HEMK2: variants seen among roughly 807,000 people sequenced by gnomAD.
HEMK2 encodes the protein HemK methyltransferase 2, ETF1 glutamine and histone H4 lysine, also known as methyltransferase HEMK2.
At chr21:28,787,865 C>A in the HEMK2 span, among the ~76,000 whole-genome samples, 1 of 152,186 alleles carries the variant, frequency 6.6e-6, no homozygotes, top group African/African-American at 2.4e-5. Context: ...TGGGTATCTA[C>A]CCAGAGAAAA....
At chr21:28,615,798 G>A in the HEMK2 span, among the ~76,000 whole-genome samples, 1 of 152,018 alleles carries the variant, frequency 6.6e-6, no homozygotes, top group Non-Finnish European at 1.5e-5. Context: ...TTATAATTAG[G>A]TTCAAAATGG....
At chr21:28,834,961 C>A in the HEMK2 span, among the ~76,000 whole-genome samples, 1 of 152,096 alleles carries the variant, frequency 6.6e-6, no homozygotes, top group African/African-American at 2.4e-5. Flanking sequence ...GGGAATCTCA[C>A]CCCCATCCCC....
chr21:28,871,191 C>T, the HEMK2 span, among the ~76,000 whole-genome samples: 122 of 152,096 alleles, frequency 8.0e-4, no homozygotes, highest in East Asian at 7.7e-4. Flanking sequence ...AGTCTGTTCT[C>T]GCATTGCTAT....
At chr21:28,620,215 T>C in the HEMK2 span, among the ~76,000 whole-genome samples, 2 of 152,302 alleles carry the variant, frequency 1.3e-5, no homozygotes, top group East Asian at 3.9e-4. Context: ...TCAGGGATAT[T>C]GGCCTGAAAT....
At chr21:28,764,161 T>G in the HEMK2 span, among the ~76,000 whole-genome samples, 1 of 152,090 alleles carries the variant, frequency 6.6e-6, no homozygotes, top group Non-Finnish European at 1.5e-5. Flanking sequence ...ACTCAAATCC[T>G]TATCTTAGAG....
the HEMK2 span, among the ~76,000 whole-genome samples, chr21:28,703,274 C>T: frequency 6.6e-6 from 1 of 151,454 alleles, no homozygotes; most frequent in African/African-American, 2.4e-5. Context: ...ACACAATTTA[C>T]TTATATAACA....
the HEMK2 span, chr21:28,882,970 A>C: frequency 6.6e-7 from 1 of 1,517,464 alleles, no homozygotes; most frequent in Non-Finnish European, 9.0e-7. Flanking sequence ...ATCTAGATGA[A>C]TATGATATAC....
the HEMK2 span, among the ~76,000 whole-genome samples, chr21:28,632,147 C>T: frequency 5.5e-3 from 801 of 144,684 alleles, 6 homozygotes; most frequent in African/African-American, 0.019. Flanking sequence ...TGAATTATCT[C>T]TGTACAATAT....
the HEMK2 span, among the ~76,000 whole-genome samples, chr21:28,586,019 T>G: frequency 6.6e-6 from 1 of 152,232 alleles, no homozygotes; most frequent in South Asian, 2.1e-4. Context: ...ATATTATTTA[T>G]AACACTAGTG....
chr21:28,757,619 G>A, the HEMK2 span, among the ~76,000 whole-genome samples: 2 of 152,222 alleles, frequency 1.3e-5, no homozygotes, highest in African/African-American at 2.4e-5. Flanking sequence ...GTCTGCAGAT[G>A]AGAAGTTGCA....
the HEMK2 span, among the ~76,000 whole-genome samples, chr21:28,810,810 T>C: frequency 6.6e-6 from 1 of 152,222 alleles, no homozygotes; most frequent in African/African-American, 2.4e-5. Context: ...TTCTTTCTTT[T>C]GCATTCTGTG....
At chr21:28,877,152 GAA>G in the HEMK2 span, among the ~76,000 whole-genome samples, 200 of 94,268 alleles carry the variant, frequency 2.1e-3, 4 homozygotes, top group African/African-American at 6.6e-3. Flanking sequence ...GAGAGAGAGA[GAA>G]AGAAAGAGAA....
chr21:28,864,110 C>T, the HEMK2 span, among the ~76,000 whole-genome samples: 1 of 152,192 alleles, frequency 6.6e-6, no homozygotes, highest in Non-Finnish European at 1.5e-5. Flanking sequence ...GGGTTACAGG[C>T]ATGAGCCACT....
chr21:28,645,086 T>G, the HEMK2 span, among the ~76,000 whole-genome samples: 2 of 152,174 alleles, frequency 1.3e-5, no homozygotes, highest in African/African-American at 2.4e-5. Flanking sequence ...AGTGAGTCTT[T>G]GAGGCCAGAC....
At chr21:28,882,265 G>T in the HEMK2 span, 1 of 1,592,658 alleles carries the variant, frequency 6.3e-7, no homozygotes, top group South Asian at 1.1e-5. Context: ...AAACAGAAAT[G>T]GAAGGAAACT....
the HEMK2 span, among the ~76,000 whole-genome samples, chr21:28,790,096 A>T: frequency 6.6e-6 from 1 of 152,206 alleles, no homozygotes; most frequent in Non-Finnish European, 1.5e-5. Flanking sequence ...CTTCATGGCT[A>T]ATCATTTTAT....
chr21:28,661,561 C>A, the HEMK2 span, among the ~76,000 whole-genome samples: 1 of 151,738 alleles, frequency 6.6e-6, no homozygotes, highest in African/African-American at 2.4e-5. Context: ...TATATGTATG[C>A]AAATATATAT....
chr21:28,765,131 G>T, the HEMK2 span, among the ~76,000 whole-genome samples: 1 of 152,086 alleles, frequency 6.6e-6, no homozygotes, highest in Non-Finnish European at 1.5e-5. Flanking sequence ...AAGTGGGTAT[G>T]TTGAGAAGAA....
At chr21:28,878,592 AAAT>A in the HEMK2 span, among the ~76,000 whole-genome samples, 26,130 of 152,050 alleles carry the variant, frequency 0.17, 2,324 homozygotes, top group South Asian at 0.23. Flanking sequence ...ACAATTAGAA[AAAT>A]AATAAGTGGA....
Sources: gnomAD v4.1 joint callset for allele counts (sites outside exome capture counted in the v4.1 genomes callset) on GRCh38, gnomAD v4.1.1 for gene constraint, MANE v1.5 for transcripts, NCBI Gene and HGNC (gene_info 2026-07-23, HGNC 2026-07-21) for gene names.